ARK2N: variants seen among roughly 807,000 people sequenced by gnomAD.
The protein encoded by ARK2N is protein ARK2N.
chr18:46,197,076 C>T, the ARK2N span, among the ~76,000 whole-genome samples: 1 of 152,166 alleles, frequency 6.6e-6, no homozygotes, highest in South Asian at 2.1e-4. Flanking sequence ...CCATCAAGTC[C>T]AGCCTGCATT....
chr18:46,196,269 C>T, the ARK2N span, among the ~76,000 whole-genome samples: 6 of 150,908 alleles, frequency 4.0e-5, no homozygotes, highest in African/African-American at 9.8e-5. Flanking sequence ...CGTGAGCCAC[C>T]GTGCCCGGCC....
the ARK2N span, among the ~76,000 whole-genome samples, chr18:46,176,503 G>A: frequency 5.3e-5 from 8 of 151,186 alleles, no homozygotes; most frequent in Admixed American, 2.0e-4. Context: ...CACCCAGGCT[G>A]GAGTGCAGTG....
At chr18:46,200,066 T>TTTTGTGTGTG in the ARK2N span, among the ~76,000 whole-genome samples, 1 of 150,086 alleles carries the variant, frequency 6.7e-6, no homozygotes, top group Non-Finnish European at 1.5e-5. Context: ...AAATTCTTTA[T>TTTTGTGTGTG]TGTGTGTGTG....
At chr18:46,191,233 CAG>C in the ARK2N span, among the ~76,000 whole-genome samples, 1 of 152,090 alleles carries the variant, frequency 6.6e-6, no homozygotes, top group Non-Finnish European at 1.5e-5. Context: ...AAAAATTTAA[CAG>C]AAAGTACAGA....
chr18:46,245,654 T>C, the ARK2N span, among the ~76,000 whole-genome samples: 1 of 152,034 alleles, frequency 6.6e-6, no homozygotes, highest in Non-Finnish European at 1.5e-5. Flanking sequence ...GTGACTTATT[T>C]TTTTATTTTT....
chr18:46,261,565 A>G, the ARK2N span, among the ~76,000 whole-genome samples: 1 of 152,232 alleles, frequency 6.6e-6, no homozygotes, highest in Non-Finnish European at 1.5e-5. Context: ...ATGAATTTAT[A>G]TAATGGGTTG....
the ARK2N span, among the ~76,000 whole-genome samples, chr18:46,258,903 A>T: frequency 6.6e-6 from 1 of 151,866 alleles, no homozygotes; most frequent in Non-Finnish European, 1.5e-5. Context: ...TTTCTCCTGA[A>T]TTTTTTTCCC....
At chr18:46,231,238 A>G in the ARK2N span, among the ~76,000 whole-genome samples, 2 of 152,198 alleles carry the variant, frequency 1.3e-5, no homozygotes, top group Non-Finnish European at 1.5e-5. Flanking sequence ...GGAGGGCTCC[A>G]AGGGAAAGTG....
the ARK2N span, among the ~76,000 whole-genome samples, chr18:46,252,534 A>G: frequency 6.6e-6 from 1 of 152,132 alleles, no homozygotes; most frequent in East Asian, 1.9e-4. Context: ...TTGGCCTCCC[A>G]AAGTGCTGGG....
the ARK2N span, among the ~76,000 whole-genome samples, chr18:46,176,758 C>T: frequency 6.6e-6 from 1 of 152,130 alleles, no homozygotes; most frequent in Non-Finnish European, 1.5e-5. Flanking sequence ...GCTGGGATTA[C>T]AGGCATGTGC....
the ARK2N span, among the ~76,000 whole-genome samples, chr18:46,243,201 TTACAGTGTC>T: frequency 6.6e-6 from 1 of 152,230 alleles, no homozygotes; most frequent in African/African-American, 2.4e-5. Flanking sequence ...CTGAATGTGC[TTACAGTGTC>T]TCAATAAAAT....
the ARK2N span, among the ~76,000 whole-genome samples, chr18:46,213,409 T>G: frequency 2.0e-5 from 3 of 152,156 alleles, no homozygotes; most frequent in East Asian, 1.9e-4. Flanking sequence ...TAAATTTGAC[T>G]GGCTTAAAAA....
At chr18:46,204,266 T>G in the ARK2N span, among the ~76,000 whole-genome samples, 1 of 152,172 alleles carries the variant, frequency 6.6e-6, no homozygotes, top group African/African-American at 2.4e-5. Flanking sequence ...CACTTGATAT[T>G]GAAGCTAAAT....
At chr18:46,216,924 C>G in the ARK2N span, 1 of 251,738 alleles carries the variant, frequency 4.0e-6, no homozygotes, top group Non-Finnish European at 7.7e-6. This position sits in a 1 kb window ranked among gnomAD's most constrained non-coding sequence, Gnocchi z 4.3. Flanking sequence ...AGATTTAATA[C>G]TCACTGTTCG....
the ARK2N span, among the ~76,000 whole-genome samples, chr18:46,259,904 A>ATGTGTGTGTGTGTGTGTGTGTGTGTGT: frequency 1.4e-4 from 3 of 21,334 alleles, no homozygotes; most frequent in Non-Finnish European, 2.9e-4. Flanking sequence ...TGTGTGCGAC[A>ATGTGTGTGTGTGTGTGTGTGTGTGTGT]GAGATGGGGT....
chr18:46,195,266 CTTTT>C, the ARK2N span, among the ~76,000 whole-genome samples: 2 of 94,492 alleles, frequency 2.1e-5, no homozygotes, highest in Admixed American at 1.3e-4. Context: ...TTTATTTAAC[CTTTT>C]TTTTTTTTTT....
the ARK2N span, among the ~76,000 whole-genome samples, chr18:46,206,928 ACCATGC>A: frequency 1.3e-5 from 2 of 152,036 alleles, no homozygotes; most frequent in Non-Finnish European, 2.9e-5. Context: ...GGCATGCACC[ACCATGC>A]CCAACTAATT....
chr18:46,185,114 A>AGTT, the ARK2N span, among the ~76,000 whole-genome samples: 1 of 152,222 alleles, frequency 6.6e-6, no homozygotes, highest in African/African-American at 2.4e-5. Flanking sequence ...TAAGCAAACA[A>AGTT]GTTGTTTCAT....
chr18:46,234,421 A>G, the ARK2N span, among the ~76,000 whole-genome samples: 4 of 152,066 alleles, frequency 2.6e-5, no homozygotes, highest in East Asian at 1.9e-4. Flanking sequence ...CTGGTCTCGA[A>G]CTCCAGATCT....
Sources: gnomAD v4.1 joint callset for allele counts (sites outside exome capture counted in the v4.1 genomes callset) on GRCh38, gnomAD v4.1.1 for gene constraint, Gnocchi (gnomAD v3.1) non-coding constraint, MANE v1.5 for transcripts, NCBI Gene and HGNC (gene_info 2026-07-23, HGNC 2026-07-21) for gene names.